Variants in RABL6 observed in about 807,000 individuals in gnomAD.
RABL6 encodes RAB, member RAS oncogene family like 6, also known as rab-like protein 6.
A neutral mutation model predicts 72.9 loss-of-function variants in RABL6; 28 were observed. That is an observed-to-expected ratio of 0.38 (90% CI 0.28 to 0.53). The LOEUF (loss-of-function observed/expected upper bound fraction) is 0.53, where lower values mean the gene tolerates loss of function less well. RABL6 is among the 20% of genes least tolerant of loss of function. RABL6 has a pLI of 0.80. For synonymous variants in RABL6, 477 were observed against 421.2 expected, an observed-to-expected ratio of 1.13 and a Z score of -1.62; for missense variants, 1,029 against 1,008.4, an observed-to-expected ratio of 1.02 and a Z score of -0.28.
Position 136,840,222 on chromosome 9 carries a change from A to C in RABL6, c.1989+10A>C, listed in dbSNP as rs762657467. ...GAAAAAAGGCAAAGAGGTACTGGCTACTCCCCTTCCTGGCAGGCCAGGACT... is the reference window on the plus strand; with the variant it reads ...GAAAAAAGGCAAAGAGGTACTGGCTCCTCCCCTTCCTGGCAGGCCAGGACT... On this transcript the variant is annotated intron_variant, in intron 14 of 14. Coordinates refer to ENST00000311502, the MANE Select transcript of RABL6 (RefSeq NM_024718.5). 1.2e-6 allele frequency: 2 copies of C among 1,612,244 alleles called. No individual in the cohort carries two copies. The highest frequency in any genetic ancestry group is 2.2e-5 in the South Asian group (2 of 91,046).
chr9:136,840,631 G>A lies in RABL6; in HGVS notation c.*109G>A, dbSNP rs1472818899. On this transcript the variant is annotated 3_prime_UTR_variant, in exon 15 of 15. Transcript: ENST00000311502. ...TGCCGCTGCCCCGTGGCTGCCGTGT[G>A]CGCTTCTGAGCTGGAAGAGGCCGGG... 1 of 1,549,650 alleles carries A rather than the reference G, an allele frequency of 6.5e-7. No individual in the cohort carries two copies. Among genetic ancestry groups the A allele is most frequent in the Non-Finnish European group, 8.7e-7 (1 of 1,146,796 alleles).
At position 136,840,475 on chromosome 9, in the gene RABL6, G is replaced by A. The variant is rs1251167493; in HGVS notation, c.2143G>A (p.Ala715Thr). 5 of 1,527,724 alleles carry A rather than the reference G, an allele frequency of 3.3e-6. No homozygotes were observed. Among genetic ancestry groups the A allele is most frequent in the Non-Finnish European group, 3.5e-6 (4 of 1,139,180 alleles). 94.6% of individuals were successfully genotyped at this position (1,527,724 alleles called of 1,614,324 possible). ...DELEAFLGGG[A>T]PGGRHPGGGD... ...GCTGGAGGCTTTCCTGGGGGGCGGG[G>A]CCCCGGGCGGCCGCCACCCTGGGGG... Residue 715 changes from alanine to threonine, a missense_variant, in exon 15 of 15, where the codon GCC becomes ACC. This residue lies in a region of RABL6 where 595 missense variants were observed against 472.4 expected (regional missense o/e 1.26). Coordinates refer to ENST00000311502, the MANE Select transcript of RABL6 (RefSeq NM_024718.5).
chr9:136,834,418 T>A, intron 7 of RABL6: 5 of 986,700 alleles, frequency 5.1e-6, no homozygotes, highest in Non-Finnish European at 6.0e-6. Flanking sequence ...GACAAGTCTG[T>A]AGATTTCTCT....
At chr9:136,810,831 ATGCCCGGCTTTCT>A (rs1847996013) in intron 1 of RABL6, among the ~76,000 whole-genome samples, 1 of 152,180 alleles carries the variant, frequency 6.6e-6, no homozygotes, top group Admixed American at 6.5e-5. Context: ...GTAAGCCACC[ATGCCCGGCTTTCT>A]GGTATTTATT....
chr9:136,825,430 G>A (rs543237412), intron 2 of RABL6, among the ~76,000 whole-genome samples: 4 of 151,382 alleles, frequency 2.6e-5, no homozygotes, highest in African/African-American at 7.3e-5. Flanking sequence ...GGGAGGGGCC[G>A]TGCCCAGGAT....
rs1847910306 is a variant in RABL6, at chr9:136,808,221, G to A, written c.25G>A (p.Val9Met). The change falls in exon 1 of 15, where the codon GTG becomes ATG. Residue 9 changes from valine to methionine, a missense_variant. This residue lies in a region of RABL6 where 434 missense variants were observed against 536.1 expected (regional missense o/e 0.81). Coordinates refer to ENST00000311502, the MANE Select transcript of RABL6 (RefSeq NM_024718.5). ...GATGTTTTCCGCCCTGAAGAAGCTG[G>A]TGGGGTCGGACCAGGCCCCGGGCCG... Reference protein sequence around the residue: MFSALKKLVGSDQAPGRDK... With the variant: MFSALKKLMGSDQAPGRDK... The A allele has an allele frequency of 1.3e-6, 2 of 1,555,524 alleles. No individual in the cohort carries two copies. Among genetic ancestry groups the A allele is most frequent in the South Asian group, 1.2e-5 (1 of 84,870 alleles).
At chr9:136,811,238 A>G (rs1848004929) in intron 1 of RABL6, among the ~76,000 whole-genome samples, 1 of 152,214 alleles carries the variant, frequency 6.6e-6, no homozygotes, top group Non-Finnish European at 1.5e-5. Context: ...ACAGTAATCA[A>G]ATACATTTAA....
In RABL6 at chr9:136,837,383, G is replaced by T. The variant is rs538050970; in HGVS notation, c.847G>T (p.Ala283Ser). Residue 283 changes from alanine (A) to serine (S), a missense_variant, in exon 9 of 15, where the codon GCG becomes TCG. Coordinates refer to ENST00000311502, the MANE Select transcript of RABL6 (RefSeq NM_024718.5). ...GATGGAGGCTCGCAGCCGTGGCCAT[G>T]CGTCCCCACTGGCGGCCAACGGGCA... is the stretch of plus-strand genomic sequence containing the variant. ...EMMEARSRGH[A>S]SPLAANGQSP... 3 of 1,602,462 alleles carry T rather than the reference G, an allele frequency of 1.9e-6. No individual in the cohort carries two copies. The highest frequency in any genetic ancestry group is 2.6e-6 in the Non-Finnish European group (3 of 1,175,562).
At position 136,840,779 on chromosome 9, in the gene RABL6, C is replaced by A; in HGVS notation, c.*257C>A. The A allele has an allele frequency of 6.5e-7, 1 of 1,547,872 alleles. No individual in the cohort carries two copies. ...GGCTCGGTGGACACCCTGGCCCTCT[C>A]GGGGCAGAGCCGCCAGTGTTTCTCA... is the stretch of plus-strand genomic sequence containing the variant. On this transcript the variant is annotated 3_prime_UTR_variant, in exon 15 of 15. Transcript: ENST00000311502.
intron 8 of RABL6, chr9:136,837,145 G>T: frequency 1.4e-6 from 1 of 719,974 alleles, no homozygotes; most frequent in South Asian, 1.5e-5. Flanking sequence ...ACAGTGCTGG[G>T]ATTACAGGCA....
chr9:136,839,051 G>T lies in RABL6; in HGVS notation c.1423G>T (p.Ala475Ser), dbSNP rs1388293347. Reference protein sequence around the residue: ...QDITLSSEEEAEVAAPTKGPA... With the variant: ...QDITLSSEEESEVAAPTKGPA... ...CATCACTCTTTCGAGTGAGGAGGAA[G>T]CAGAAGTGGCAGCTCCCACAAAAGG... Residue 475 changes from alanine (A) to serine (S), a missense_variant, in exon 11 of 15, where the codon GCA (alanine) becomes TCA (serine). Ala to Ser is a moderately conservative substitution (Grantham distance 99, BLOSUM62 1). Around this residue, in one of 2 missense-constraint regions of RABL6, gnomAD observed 595 missense variants for 472.4 expected, o/e 1.26. Transcript: ENST00000311502. The T allele has an allele frequency of 1.2e-6, 2 of 1,612,360 alleles. No homozygotes were observed. The highest frequency in any genetic ancestry group is 1.7e-6 in the Non-Finnish European group (2 of 1,179,772).
At chr9:136,838,554 C>T (rs950183996) in intron 10 of RABL6, among the ~76,000 whole-genome samples, 2 of 152,266 alleles carry the variant, frequency 1.3e-5, no homozygotes, top group African/African-American at 4.8e-5. Flanking sequence ...CTCAGCACCT[C>T]AGCCTCACCC....
At position 136,838,917 on chromosome 9, in the gene RABL6, A is replaced by T; in HGVS notation, c.1289A>T (p.Glu430Val). 1 of 1,590,912 alleles carries T rather than the reference A, an allele frequency of 6.3e-7. No homozygotes were observed. The highest frequency in any genetic ancestry group is 8.6e-7 in the Non-Finnish European group (1 of 1,167,962). ...TGCCCCCTGCTTTGCAGTGATGGGG[A>T]GGCCCTGGGCGGCAACCCGATGGTG... is the stretch of plus-strand genomic sequence containing the variant. ...AAQQDSDSDG[E>V]ALGGNPMVAG... is the part of the protein sequence containing the mutation. The change falls in exon 11 of 15, where the codon GAG becomes GTG. Residue 430 changes from glutamate to valine, a missense_variant. Physicochemically the swap from Glu to Val is moderately radical, Grantham distance 121. Transcript: ENST00000311502.
intron 5 of RABL6, among the ~76,000 whole-genome samples, chr9:136,829,716 G>A (rs1284834499): frequency 6.6e-6 from 1 of 152,258 alleles, no homozygotes; most frequent in Non-Finnish European, 1.5e-5. Context: ...GCTGCAAAAG[G>A]CATCTGGGGC....
chr9:136,832,922 C>T (rs1848508043), intron 7 of RABL6: 2 of 326,158 alleles, frequency 6.1e-6, no homozygotes, highest in Admixed American at 4.3e-5. Flanking sequence ...AGTAGCCCAG[C>T]AAATGATGAG....
Position 136,826,087 on chromosome 9 carries a change from C to T in RABL6, c.313+261C>T, listed in dbSNP as rs1026789322. On this transcript the variant is annotated intron_variant, in intron 3 of 14. Coordinates refer to ENST00000311502, the MANE Select transcript of RABL6 (RefSeq NM_024718.5). The surrounding 1 kb of genome is among the most constrained non-coding windows in gnomAD (Gnocchi z 4.9). The stretch of plus-strand genomic sequence containing the variant: ...CGTGCACGGTGGCGGCAGGTGCAGC[C>T]GGGGGGTGTGCTTTGAGCCCCAAGG... Among the ~76,000 whole-genome samples, 5 of 152,128 alleles carry T rather than the reference C, an allele frequency of 3.3e-5. No individual in the cohort carries two copies. Among genetic ancestry groups the T allele is most frequent in the African/African-American group, 7.2e-5 (3 of 41,412 alleles).
Position 136,840,359 on chromosome 9 carries a change from A to G in RABL6, c.2027A>G (p.Lys676Arg), listed in dbSNP as rs1183224816. 1.9e-6 allele frequency: 3 copies of G among 1,559,794 alleles called. No individual in the cohort carries two copies. The highest frequency in any genetic ancestry group is 4.8e-5 in the East Asian group (2 of 41,318). The change falls in exon 15 of 15, where the codon AAG becomes AGG. Residue 676 changes from lysine (K) to arginine (R), a missense_variant. This residue lies in a region of RABL6 where 595 missense variants were observed against 472.4 expected (regional missense o/e 1.26). Coordinates refer to ENST00000311502, the MANE Select transcript of RABL6 (RefSeq NM_024718.5). ...EKAAKKKSKH[K>R]KSKDKEEGKE... Reference sequence around the variant, plus strand: ...GCTGCCAAGAAGAAGAGCAAACACAAGAAGAGCAAGGACAAGGAGGAGGGC... The same window carrying G: ...GCTGCCAAGAAGAAGAGCAAACACAGGAAGAGCAAGGACAAGGAGGAGGGC...
At position 136,833,665 on chromosome 9, in the gene RABL6, G is replaced by C. The variant is rs138561991; in HGVS notation, c.705+1295G>C. 3.9e-6 allele frequency: 6 copies of C among 1,544,696 alleles called. No homozygotes were observed. In the African/African-American group the frequency reaches 4.2e-5, roughly 11 times the overall value. On this transcript the variant is annotated intron_variant, in intron 7 of 14. Coordinates refer to ENST00000311502, the MANE Select transcript of RABL6 (RefSeq NM_024718.5). ...TCCTCGCCCTGGGCTGCCCCGACTG[G>C]GTCTGGGGGACCTGGGGCCCAGCTG... is the stretch of plus-strand genomic sequence containing the variant.
At chr9:136,822,102 G>A (rs1349328166) in intron 1 of RABL6, 5 of 1,286,268 alleles carry the variant, frequency 3.9e-6, no homozygotes, top group African/African-American at 3.0e-5. Flanking sequence ...GAGAGGAGCC[G>A]GGTGGGGCAC....
Sources: gnomAD v4.1 joint callset for allele counts (sites outside exome capture counted in the v4.1 genomes callset) on GRCh38, gnomAD v4.1.1 for gene constraint, gnomAD v4.1.1 regional missense constraint, Gnocchi (gnomAD v3.1) non-coding constraint, MANE v1.5 for transcripts, NCBI Gene and HGNC (gene_info 2026-07-23, HGNC 2026-07-21) for gene names.